The following GALNT13 variants were observed in gnomAD, a reference collection of about 807,000 sequenced individuals.
GALNT13 encodes UDP-GalNAc:polypeptide N-acetylgalactosaminyltransferase 13.
Under a neutral mutation model 64.2 loss-of-function variants are expected in GALNT13, and 28 were observed. The ratio of observed to expected loss-of-function variants is 0.44; its 90% CI spans 0.32 to 0.60. The LOEUF is 0.60. GALNT13 is among the 20% of genes least tolerant of loss of function. The pLI is 0.05. For synonymous variants in GALNT13, 214 were observed against 224.6 expected (o/e 0.95, Z 0.42); for missense variants, 577 against 669.8 (o/e 0.86, Z 1.53).
chr2:153,252,944 G>T, the GALNT13 span, among the ~76,000 whole-genome samples: 1 of 151,972 alleles, frequency 6.6e-6, no homozygotes, highest in Non-Finnish European at 1.5e-5. Context: ...GATTGACTTG[G>T]CGATGCAGGC....
At chr2:153,632,609 T>C in the GALNT13 span, among the ~76,000 whole-genome samples, 1 of 152,196 alleles carries the variant, frequency 6.6e-6, no homozygotes, top group Non-Finnish European at 1.5e-5. Flanking sequence ...TTACCTTTTT[T>C]ATAAAATAAA....
the GALNT13 span, among the ~76,000 whole-genome samples, chr2:153,321,767 G>C: frequency 6.6e-6 from 1 of 152,134 alleles, no homozygotes; most frequent in Admixed American, 6.6e-5. Context: ...GTGACTGTTG[G>C]GGAAGCCTCA....
At chr2:154,437,443 C>A in intron 11 of GALNT13, 1 of 854,970 alleles carries the variant, frequency 1.2e-6, no homozygotes. Context: ...AAGACCCTGA[C>A]ATGACCTTTC....
At chr2:153,529,272 T>C in the GALNT13 span, among the ~76,000 whole-genome samples, 1 of 152,088 alleles carries the variant, frequency 6.6e-6, no homozygotes, top group African/African-American at 2.4e-5. Context: ...GATTTGTGGC[T>C]ACTATGAGCA....
the GALNT13 span, among the ~76,000 whole-genome samples, chr2:153,456,898 A>C: frequency 6.6e-6 from 1 of 152,212 alleles, no homozygotes; most frequent in Non-Finnish European, 1.5e-5. Flanking sequence ...GGATAATATA[A>C]GTGAATGCAA....
At chr2:153,793,455 T>C in the GALNT13 span, among the ~76,000 whole-genome samples, 1 of 152,192 alleles carries the variant, frequency 6.6e-6, no homozygotes, top group Non-Finnish European at 1.5e-5. Context: ...CTCTAAAACT[T>C]AGCTTCTTAA....
the GALNT13 span, among the ~76,000 whole-genome samples, chr2:153,278,150 G>T: frequency 6.6e-6 from 1 of 151,724 alleles, no homozygotes; most frequent in African/African-American, 2.4e-5. Flanking sequence ...AGCCAGGATG[G>T]TCTCAATCTC....
the GALNT13 span, among the ~76,000 whole-genome samples, chr2:153,149,310 T>C: frequency 2.0e-5 from 3 of 151,850 alleles, no homozygotes; most frequent in African/African-American, 4.8e-5. Context: ...CCTCATCTAT[T>C]TGACTCCAAA....
chr2:154,421,490 T>C (rs1470198187), intron 11 of GALNT13, among the ~76,000 whole-genome samples: 1 of 152,100 alleles, frequency 6.6e-6, no homozygotes, highest in Non-Finnish European at 1.5e-5. Context: ...TCTTCTATTA[T>C]AGGTTTTACA....
the GALNT13 span, among the ~76,000 whole-genome samples, chr2:153,706,141 C>G: frequency 2.0e-5 from 3 of 151,990 alleles, no homozygotes; most frequent in Non-Finnish European, 4.4e-5. Flanking sequence ...GCACTACAGG[C>G]CTGCCCCACC....
chr2:153,454,844 A>G, the GALNT13 span, among the ~76,000 whole-genome samples: 3 of 152,262 alleles, frequency 2.0e-5, no homozygotes, highest in Non-Finnish European at 4.4e-5. Flanking sequence ...TATTGTAACA[A>G]CAGAGGATTA....
intron 4 of GALNT13, among the ~76,000 whole-genome samples, chr2:154,188,997 C>T (rs1229850586): frequency 6.6e-6 from 1 of 151,962 alleles, no homozygotes; most frequent in Non-Finnish European, 1.5e-5. Flanking sequence ...GCCTCAGTTT[C>T]CTAACATAAA....
chr2:154,020,573 T>G (rs1461866873), intron 3 of GALNT13, among the ~76,000 whole-genome samples: 5 of 152,270 alleles, frequency 3.3e-5, no homozygotes, highest in Middle Eastern at 6.8e-3. Flanking sequence ...TAAATTTGTT[T>G]GAGTTCATTG....
intron 4 of GALNT13, among the ~76,000 whole-genome samples, chr2:154,172,188 A>G (rs1286799607): frequency 1.3e-5 from 2 of 152,076 alleles, no homozygotes; most frequent in Non-Finnish European, 2.9e-5. Context: ...TTACAGATGC[A>G]TAATAGATGT....
intron 3 of GALNT13, among the ~76,000 whole-genome samples, chr2:154,126,637 A>G (rs1682288542): frequency 8.0e-6 from 1 of 124,722 alleles, no homozygotes; most frequent in Admixed American, 7.6e-5. Flanking sequence ...TCCGTCTCAA[A>G]AAAACAAAAA....
the GALNT13 span, among the ~76,000 whole-genome samples, chr2:153,587,561 T>C: frequency 6.6e-6 from 1 of 152,116 alleles, no homozygotes; most frequent in Admixed American, 6.5e-5. Context: ...TATAAAGGCA[T>C]CAGATCTCAT....
the GALNT13 span, among the ~76,000 whole-genome samples, chr2:153,281,723 A>G: frequency 0.48 from 72,528 of 151,694 alleles, 17,945 homozygotes; most frequent in Middle Eastern, 0.62. Context: ...TATGTCCCCA[A>G]TCTTTCCTGA....
the GALNT13 span, among the ~76,000 whole-genome samples, chr2:153,844,662 A>G: frequency 6.6e-6 from 1 of 152,156 alleles, no homozygotes; most frequent in African/African-American, 2.4e-5. Context: ...TTCTTTGCAC[A>G]TGGCTAGGCT....
At chr2:154,009,046 A>G (rs1466066493) in intron 3 of GALNT13, among the ~76,000 whole-genome samples, 1 of 152,182 alleles carries the variant, frequency 6.6e-6, no homozygotes, top group East Asian at 1.9e-4. Flanking sequence ...GAACTAATTT[A>G]TATTATGACC....
Sources: allele counts gnomAD v4.1 joint callset (sites outside exome capture counted in the v4.1 genomes callset), GRCh38; gene constraint gnomAD v4.1.1; transcripts MANE v1.5; gene names NCBI Gene and HGNC (gene_info 2026-07-23, HGNC 2026-07-21).